PPTC7: variants seen among roughly 807,000 people sequenced by gnomAD.
The protein encoded by PPTC7 is protein phosphatase targeting COQ7, also known as protein phosphatase PTC7 homolog.
In PPTC7, 6 loss-of-function variants were observed where a neutral mutation model predicts 30.8. The observed-to-expected ratio is 0.19, with a 90% CI of 0.11 to 0.38. The LOEUF (loss-of-function observed/expected upper bound fraction) is 0.38, where lower values mean the gene tolerates loss of function less well. Ranked by LOEUF, PPTC7 falls within the 10% of genes least tolerant of loss-of-function variation. The pLI is 1.00. For missense variants in PPTC7, 218 were observed against 404.8 expected, an observed-to-expected ratio of 0.54 and a Z score of 3.96; for synonymous variants, 163 against 168.1, an observed-to-expected ratio of 0.97 and a Z score of 0.23.
chr12:110,542,442 T>G (rs1161614703), intron 3 of PPTC7, among the ~76,000 whole-genome samples: 1 of 151,008 alleles, frequency 6.6e-6, no homozygotes, highest in East Asian at 2.0e-4. Context: ...GAGGCCAAGG[T>G]GGGCAGATCA....
intron 1 of PPTC7, among the ~76,000 whole-genome samples, chr12:110,576,383 T>G (rs922738607): frequency 5.9e-5 from 9 of 152,104 alleles, no homozygotes; most frequent in African/African-American, 2.2e-4. Context: ...TAGGTATATA[T>G]CCCCTCAAAT....
In PPTC7 at chr12:110,577,299, T is replaced by TA. The variant is rs938104994; in HGVS notation, c.223+5509dup. 2.4e-3 allele frequency among the ~76,000 whole-genome samples: 348 copies of TA among 143,356 alleles called. 12 individuals carry two copies. The East Asian group carries it at 0.048, about 20-fold the overall frequency. The allele number at this position is 143,356 out of a possible 152,430, so 94.0% of individuals were successfully genotyped here. A position where few individuals can be genotyped will look rare whatever the true frequency, so the allele number is the denominator to read the frequency against. Reference sequence around the variant, plus strand: ...TCCTGGAATTTAAAAAAAGTAAAATTAAAAAAAAAAAGAAAAAAAAATTAT... The same window carrying TA: ...TCCTGGAATTTAAAAAAAGTAAAATTAAAAAAAAAAAAGAAAAAAAAATTAT... On this transcript the variant is annotated intron_variant, in intron 1 of 5. Coordinates refer to ENST00000354300, the MANE Select transcript of PPTC7 (RefSeq NM_139283.2).
At chr12:110,567,283 G>GC (rs944783033) in intron 1 of PPTC7, among the ~76,000 whole-genome samples, 2 of 152,178 alleles carry the variant, frequency 1.3e-5, no homozygotes, top group African/African-American at 4.8e-5. Context: ...AATCGGTGTG[G>GC]CCAGGGTGGG....
chr12:110,583,262 A>G lies in PPTC7; in HGVS notation c.-231T>C, dbSNP rs369408337. 2.7e-5 allele frequency: 4 copies of G among 147,526 alleles called. No homozygotes were observed. Among genetic ancestry groups the G allele is most frequent in the East Asian group, 2.3e-4 (1 of 4,430 alleles). 9.1% of individuals were successfully genotyped at this position (147,526 alleles called of 1,614,324 possible). A position where few individuals can be genotyped will look rare whatever the true frequency, so the allele number is the denominator to read the frequency against. ...GCGGCGGCTCCTCCGCCTCAGCCCA[A>G]CTGAAGTCCCGGCTGCAGCGGCCGC... On this transcript the variant is annotated 5_prime_UTR_variant, in exon 1 of 6. Transcript: ENST00000354300.
intron 1 of PPTC7, among the ~76,000 whole-genome samples, chr12:110,579,868 C>T (rs975088802): frequency 6.6e-6 from 1 of 151,972 alleles, no homozygotes; most frequent in Non-Finnish European, 1.5e-5. Context: ...CAAAAATTAG[C>T]CGGGCGTGAT....
At chr12:110,559,276 T>C (rs1320897195) in intron 1 of PPTC7, among the ~76,000 whole-genome samples, 1 of 151,664 alleles carries the variant, frequency 6.6e-6, no homozygotes, top group African/African-American at 2.4e-5. Flanking sequence ...GTGATCCTCC[T>C]GCCTCAGTCT....
chr12:110,555,638 G>A (rs1011776840), intron 1 of PPTC7, among the ~76,000 whole-genome samples: 3 of 152,292 alleles, frequency 2.0e-5, no homozygotes, highest in East Asian at 1.9e-4. Context: ...GGTTAGAGGC[G>A]TGCAGACATT....
intron 1 of PPTC7, among the ~76,000 whole-genome samples, chr12:110,559,236 C>T (rs1422488108): frequency 1.3e-5 from 2 of 151,600 alleles, no homozygotes; most frequent in African/African-American, 2.4e-5. Flanking sequence ...CATTATGTTG[C>T]CCAGGCTGGT....
rs1593172770 is a variant in PPTC7, at chr12:110,583,209, G to A, written c.-178C>T. The A allele has an allele frequency of 4.6e-6, 1 of 219,270 alleles. No homozygotes were observed. The highest frequency in any genetic ancestry group is 8.4e-6 in the Non-Finnish European group (1 of 119,258). The allele number at this position is 219,270 out of a possible 1,614,324, so 13.6% of individuals were successfully genotyped here. A position where few individuals can be genotyped will look rare whatever the true frequency, so the allele number is the denominator to read the frequency against. On this transcript the variant is annotated 5_prime_UTR_variant, in exon 1 of 6. Coordinates refer to ENST00000354300, the MANE Select transcript of PPTC7 (RefSeq NM_139283.2). ...CGGGGCCTCGCACGCGCTCAGCCGC[G>A]CGCACCGGAGCCAGAGCGAGGTCAG...
intron 2 of PPTC7, 151 bp downstream of exon 2, chr12:110,551,638 C>T (rs759766095): frequency 1.2e-4 from 81 of 686,706 alleles, no homozygotes; most frequent in Middle Eastern, 7.4e-4. Flanking sequence ...TGAGCCACTG[C>T]GCCCAGCGGT....
intron 2 of PPTC7, among the ~76,000 whole-genome samples, chr12:110,547,993 G>A (rs1003553632): frequency 3.3e-5 from 5 of 152,010 alleles, no homozygotes; most frequent in African/African-American, 1.2e-4. Flanking sequence ...TGTAATCCCA[G>A]CTACTTCGGA....
At chr12:110,564,879 GT>G (rs540611635) in intron 1 of PPTC7, among the ~76,000 whole-genome samples, 36 of 123,058 alleles carry the variant, frequency 2.9e-4, no homozygotes, top group East Asian at 4.7e-4. Flanking sequence ...TATATACATT[GT>G]TTTTTTTTTT....
intron 3 of PPTC7, among the ~76,000 whole-genome samples, chr12:110,541,996 G>T (rs1029812980): frequency 1.3e-5 from 2 of 151,036 alleles, no homozygotes; most frequent in Non-Finnish European, 3.0e-5. Context: ...AAATACAAAC[G>T]TTAGCCAAGC....
At chr12:110,562,490 ACT>A (rs1475108217) in intron 1 of PPTC7, among the ~76,000 whole-genome samples, 1 of 151,840 alleles carries the variant, frequency 6.6e-6, no homozygotes, top group East Asian at 1.9e-4. Flanking sequence ...CAAGTGAAAT[ACT>A]CCCTTTGCAA....
chr12:110,579,845 T>C (rs1019258320), intron 1 of PPTC7, among the ~76,000 whole-genome samples: 2 of 152,244 alleles, frequency 1.3e-5, no homozygotes, highest in East Asian at 1.9e-4. Flanking sequence ...AAACCCCGTT[T>C]GTACTAAAAA....
At chr12:110,568,060 C>A (rs371009402) in intron 1 of PPTC7, among the ~76,000 whole-genome samples, 3 of 145,740 alleles carry the variant, frequency 2.1e-5, no homozygotes, top group Non-Finnish European at 4.5e-5. Flanking sequence ...TAGTCTCAGT[C>A]TATTTTCTAA....
intron 3 of PPTC7, among the ~76,000 whole-genome samples, chr12:110,542,066 C>T (rs989302768): frequency 4.6e-5 from 7 of 151,882 alleles, no homozygotes; most frequent in African/African-American, 1.2e-4. Context: ...GAATCACTTG[C>T]TTCAACCCCA....
intron 1 of PPTC7, among the ~76,000 whole-genome samples, chr12:110,574,325 G>C (rs1424123125): frequency 6.6e-6 from 1 of 151,714 alleles, no homozygotes; most frequent in East Asian, 1.9e-4. Flanking sequence ...TAGTTACAAA[G>C]ATTAAATAAG....
In PPTC7 at chr12:110,539,863, T is replaced by C. The variant is rs775043278; in HGVS notation, c.685A>G (p.Met229Val). The change falls in exon 4 of 6, where the codon ATG becomes GTG. Residue 229 changes from methionine to valine, a missense_variant. Physicochemically the swap from Met to Val is conservative, Grantham distance 21. Transcript: ENST00000354300. ...TCCTGAAGAATCATATAATCAGGCA[T>C]GTTGTCAAAGAGTCCATCTGTTGCC... ...LTATDGLFDN[M>V]PDYMILQELK... 2 of 1,614,086 alleles carry C rather than the reference T, an allele frequency of 1.2e-6. No individual in the cohort carries two copies. The highest frequency in any genetic ancestry group is 2.2e-5 in the South Asian group (2 of 91,080).
Sources: gnomAD v4.1 joint callset for allele counts (sites outside exome capture counted in the v4.1 genomes callset) on GRCh38, gnomAD v4.1.1 for gene constraint, MANE v1.5 for transcripts, NCBI Gene and HGNC (gene_info 2026-07-23, HGNC 2026-07-21) for gene names.